Variants in NCKAP5 observed in about 807,000 individuals in gnomAD.
NCKAP5 encodes the protein nck-associated protein 5.
NCKAP5 carries 92 observed loss-of-function variants against 167.0 expected under a neutral mutation model. That is an observed-to-expected ratio of 0.55 (90% confidence interval 0.47 to 0.66). The LOEUF (loss-of-function observed/expected upper bound fraction) is 0.66, where lower values mean the gene tolerates loss of function less well. Among genes scored for constraint, NCKAP5 ranks in the 30% least tolerant of loss-of-function variants. The pLI, the probability that NCKAP5 is intolerant of heterozygous loss-of-function variation, is 0.00. For missense variants in NCKAP5, 2,378 were observed against 2,315.0 expected (o/e 1.03, Z -0.56); for synonymous variants, 891 against 877.4 (o/e 1.02, Z -0.27).
chr2:132,866,784 A>AT (rs1394480272), intron 10 of NCKAP5, among the ~76,000 whole-genome samples: 1 of 151,908 alleles, frequency 6.6e-6, no homozygotes, highest in African/African-American at 2.4e-5. Context: ...ATCGCTCAAG[A>AT]TTTTTTTCTG....
At chr2:133,115,855 C>T (rs2082064865) in intron 6 of NCKAP5, among the ~76,000 whole-genome samples, 1 of 139,708 alleles carries the variant, frequency 7.2e-6, no homozygotes, top group Non-Finnish European at 1.5e-5. Context: ...CCCTTCTCAA[C>T]CTGGTATGGA....
At chr2:133,153,928 C>T (rs533677673) in intron 5 of NCKAP5, among the ~76,000 whole-genome samples, 5 of 151,168 alleles carry the variant, frequency 3.3e-5, no homozygotes, top group Non-Finnish European at 5.9e-5. Flanking sequence ...CTCCTCCCCC[C>T]AAGAAGGGTT....
intron 6 of NCKAP5, among the ~76,000 whole-genome samples, chr2:133,003,323 C>A (rs2077851998): frequency 6.6e-6 from 1 of 152,176 alleles, no homozygotes; most frequent in South Asian, 2.1e-4. Flanking sequence ...CCTACCTTCC[C>A]ATTTTAATTG....
intron 6 of NCKAP5, among the ~76,000 whole-genome samples, chr2:133,012,633 C>G (rs1164888470): frequency 1.3e-5 from 2 of 152,100 alleles, no homozygotes; most frequent in African/African-American, 2.4e-5. Context: ...CACCCCTTCC[C>G]TCCTGAAGTT....
intron 9 of NCKAP5, among the ~76,000 whole-genome samples, chr2:132,872,620 T>C (rs1460610327): frequency 6.6e-6 from 1 of 152,238 alleles, no homozygotes; most frequent in South Asian, 2.1e-4. Context: ...AGGATCTCCA[T>C]GCTCTATGCT....
intron 19 of NCKAP5, among the ~76,000 whole-genome samples, chr2:132,713,084 G>C (rs1329084152): frequency 1.3e-5 from 2 of 149,406 alleles, no homozygotes; most frequent in Admixed American, 1.3e-4. Flanking sequence ...AGTGTACACA[G>C]TGTGCTCCCT....
At chr2:132,791,279 A>C (rs1684048701) in intron 12 of NCKAP5, among the ~76,000 whole-genome samples, 1 of 152,198 alleles carries the variant, frequency 6.6e-6, no homozygotes, top group Non-Finnish European at 1.5e-5. Flanking sequence ...CCTCCACTGT[A>C]AATATAATAG....
At chr2:132,868,847 T>C in intron 10 of NCKAP5, 89 bp downstream of exon 10, 1 of 921,434 alleles carries the variant, frequency 1.1e-6, no homozygotes. Flanking sequence ...GTATTGCATC[T>C]ATCAATCACA....
intron 3 of NCKAP5, among the ~76,000 whole-genome samples, chr2:133,346,911 A>G (rs1684016319): frequency 6.6e-6 from 1 of 152,196 alleles, no homozygotes; most frequent in Admixed American, 6.5e-5. Flanking sequence ...AATTTCTGTG[A>G]GCTCTGACAA....
intron 6 of NCKAP5, among the ~76,000 whole-genome samples, chr2:133,012,618 C>G (rs954490188): frequency 3.9e-5 from 6 of 152,150 alleles, no homozygotes; most frequent in African/African-American, 1.4e-4. Context: ...TGTGCCTGCA[C>G]TGGCCACCCC....
chr2:133,032,600 C>T (rs1386579857), intron 6 of NCKAP5, among the ~76,000 whole-genome samples: 1 of 152,150 alleles, frequency 6.6e-6, no homozygotes, highest in Non-Finnish European at 1.5e-5. Context: ...TGTAGAGCCC[C>T]AAGGGCTTTG....
At chr2:133,624,498 G>GCTC in the NCKAP5 span, among the ~76,000 whole-genome samples, 1,314 of 152,170 alleles carry the variant, frequency 8.6e-3, 14 homozygotes, top group African/African-American at 0.03. Context: ...CACCAGTGAT[G>GCTC]CTCCATCCCC....
chr2:132,767,624 T>C (rs1681627406), intron 16 of NCKAP5, among the ~76,000 whole-genome samples: 1 of 152,248 alleles, frequency 6.6e-6, no homozygotes, highest in Non-Finnish European at 1.5e-5. Context: ...GGTACCTGTA[T>C]AATCCGTAAC....
At chr2:133,244,143 A>C (rs942029091) in intron 4 of NCKAP5, among the ~76,000 whole-genome samples, 1 of 152,120 alleles carries the variant, frequency 6.6e-6, no homozygotes, top group Non-Finnish European at 1.5e-5. Context: ...GAGATTTGTC[A>C]TTTTTATTTC....
At chr2:133,645,050 G>A in the NCKAP5 span, among the ~76,000 whole-genome samples, 2 of 152,198 alleles carry the variant, frequency 1.3e-5, no homozygotes, top group Non-Finnish European at 2.9e-5. Flanking sequence ...CCAGCAGTAT[G>A]AATGCACTCA....
At chr2:132,910,803 T>TTGGAC (rs1221734918) in intron 8 of NCKAP5, among the ~76,000 whole-genome samples, 2 of 152,168 alleles carry the variant, frequency 1.3e-5, no homozygotes, top group African/African-American at 4.8e-5. Context: ...TGTATAAGCT[T>TTGGAC]TGGATTGGAT....
intron 3 of NCKAP5, among the ~76,000 whole-genome samples, chr2:133,468,972 A>C (rs4295065): frequency 0.52 from 79,585 of 151,846 alleles, 22,134 homozygotes; most frequent in East Asian, 0.71. Context: ...CCAATTTGCC[A>C]GTCTGTGTCT....
chr2:133,214,248 T>A (rs1295618678), intron 4 of NCKAP5, among the ~76,000 whole-genome samples: 1 of 152,196 alleles, frequency 6.6e-6, no homozygotes, highest in Non-Finnish European at 1.5e-5. Flanking sequence ...ATAACAGGCA[T>A]CATGCTGGGC....
intron 3 of NCKAP5, among the ~76,000 whole-genome samples, chr2:133,374,922 G>A (rs1195086821): frequency 6.6e-6 from 1 of 152,232 alleles, no homozygotes; most frequent in Admixed American, 6.5e-5. Flanking sequence ...TCTGCGCTCC[G>A]AAATACTCAG....
Sources: gnomAD v4.1 joint callset for allele counts (sites outside exome capture counted in the v4.1 genomes callset) on GRCh38, gnomAD v4.1.1 for gene constraint, MANE v1.5 for transcripts, NCBI Gene and HGNC (gene_info 2026-07-23, HGNC 2026-07-21) for gene names.